MDGA2: variants seen among roughly 807,000 people sequenced by gnomAD.
MDGA2 encodes the protein MAM domain containing glycosylphosphatidylinositol anchor 2.
MDGA2 carries 40 observed loss-of-function variants against 117.8 expected under a neutral mutation model. The ratio of observed to expected loss-of-function variants is 0.34; its 90% CI spans 0.26 to 0.44. The LOEUF (loss-of-function observed/expected upper bound fraction) is 0.44, where lower values mean the gene tolerates loss of function less well. Ranked by LOEUF, MDGA2 falls within the 20% of genes least tolerant of loss-of-function variation. The probability of loss-of-function intolerance (pLI) is 1.00; values close to 1 mark genes in which losing one functional copy is unlikely to be tolerated. For synonymous variants in MDGA2, 452 were observed against 439.0 expected, an observed-to-expected ratio of 1.03 and a Z score of -0.37; for missense variants, 1,123 against 1,250.6, an observed-to-expected ratio of 0.90 and a Z score of 1.54.
In MDGA2 at chr14:47,478,931, G is replaced by A. The variant is rs542935925; in HGVS notation, c.281-177381C>T. 6.6e-5 allele frequency among the ~76,000 whole-genome samples: 10 copies of A among 152,190 alleles called. No individual in the cohort carries two copies. The East Asian group carries it at 7.7e-4, about 12-fold the overall frequency. On this transcript the variant is annotated intron_variant, in intron 1 of 16. Coordinates refer to ENST00000399232, the MANE Select transcript of MDGA2 (RefSeq NM_001113498.3). ...TGAGGAGCCTCACTTTGGGCTTTTC[G>A]TGGGCAAGTCAGATTTTGCAATAGT...
rs192270528 is a variant in MDGA2 at position 46,840,671 on chromosome 14, A to G, written c.*1260T>C. On this transcript the variant is annotated 3_prime_UTR_variant, in exon 17 of 17. Transcript: ENST00000399232. ...CAGTTCCACTGTAGAGTTAGTATGC[A>G]CTGCAATCCCAAACATTTTCTTGTT... The G allele has an allele frequency of 2.2e-4, 34 of 152,732 alleles. No homozygotes were observed. Among genetic ancestry groups the G allele is most frequent in the Non-Finnish European group, 3.4e-4 (23 of 68,002 alleles). 9.5% of individuals were successfully genotyped at this position (152,732 alleles called of 1,614,324 possible).
intron 1 of MDGA2, among the ~76,000 whole-genome samples, chr14:47,583,633 G>C (rs139458457): frequency 0.015 from 2,233 of 151,784 alleles, 23 homozygotes; most frequent in Middle Eastern, 0.088. Flanking sequence ...CATTATGTCT[G>C]TTTATTAATA....
chr14:47,511,112 A>G (rs879328000), intron 1 of MDGA2, among the ~76,000 whole-genome samples: 1 of 152,208 alleles, frequency 6.6e-6, no homozygotes, highest in Non-Finnish European at 1.5e-5. Flanking sequence ...GGCAAAAACT[A>G]TATTTCATTC....
chr14:47,672,762 C>T (rs1184766281), intron 1 of MDGA2, among the ~76,000 whole-genome samples: 1 of 152,174 alleles, frequency 6.6e-6, no homozygotes, highest in African/African-American at 2.4e-5. Flanking sequence ...AAGGAACAGC[C>T]CTTTGAGAAA....
At chr14:47,581,704 G>A (rs542119600) in intron 1 of MDGA2, among the ~76,000 whole-genome samples, 3 of 151,832 alleles carry the variant, frequency 2.0e-5, no homozygotes, top group South Asian at 2.1e-4. Flanking sequence ...TTGCTTCTTC[G>A]TGGAAAGAAC....
intron 2 of MDGA2, among the ~76,000 whole-genome samples, chr14:47,223,296 A>G (rs888264546): frequency 1.3e-5 from 2 of 152,188 alleles, no homozygotes; most frequent in Admixed American, 6.5e-5. Flanking sequence ...GGAAAATATA[A>G]ACCTTAAGTA....
chr14:47,629,160 T>C (rs1052122466), intron 1 of MDGA2, among the ~76,000 whole-genome samples: 1 of 152,032 alleles, frequency 6.6e-6, no homozygotes, highest in South Asian at 2.1e-4. Context: ...AACATTAGGG[T>C]TGTATGTGAA....
chr14:47,370,409 A>G (rs749303663), intron 1 of MDGA2, among the ~76,000 whole-genome samples: 1 of 148,890 alleles, frequency 6.7e-6, no homozygotes, highest in Non-Finnish European at 1.5e-5. Flanking sequence ...TATGAAAAGA[A>G]AGTTCATCAG....
chr14:47,299,129 A>G (rs1363044803), intron 2 of MDGA2, among the ~76,000 whole-genome samples: 4 of 151,290 alleles, frequency 2.6e-5, no homozygotes, highest in African/African-American at 9.7e-5. Flanking sequence ...TTTCCAAAAA[A>G]TGGAATTGCT....
chr14:46,850,540 T>A (rs1169988986), intron 15 of MDGA2, among the ~76,000 whole-genome samples: 1 of 151,884 alleles, frequency 6.6e-6, no homozygotes, highest in Non-Finnish European at 1.5e-5. Context: ...ACAGTATATG[T>A]CACTTTGAAA....
At chr14:47,544,212 C>T (rs1895411610) in intron 1 of MDGA2, among the ~76,000 whole-genome samples, 1 of 152,022 alleles carries the variant, frequency 6.6e-6, no homozygotes, top group Non-Finnish European at 1.5e-5. Context: ...TGTGTTCATG[C>T]CTAACCAGTC....
At chr14:47,160,674 G>A (rs1883597641) in intron 3 of MDGA2, among the ~76,000 whole-genome samples, 1 of 151,942 alleles carries the variant, frequency 6.6e-6, no homozygotes, top group Non-Finnish European at 1.5e-5. Context: ...TAAAATAAAT[G>A]AATAAATAAA....
chr14:46,845,954 T>A, intron 15 of MDGA2, 83 bp from the exon 16 acceptor site: 1 of 996,552 alleles, frequency 1.0e-6, no homozygotes, highest in South Asian at 1.4e-5. Context: ...GTGACAAAAA[T>A]AAACTTGTCA....
At chr14:47,318,162 G>A (rs1889865978) in intron 1 of MDGA2, among the ~76,000 whole-genome samples, 1 of 110,926 alleles carries the variant, frequency 9.0e-6, no homozygotes, top group African/African-American at 2.8e-5. Context: ...GAGAACACTA[G>A]TGATCTTTTC....
rs369799052 is a variant in MDGA2, at chr14:47,235,445, T to C, written c.421-17250A>G. 1.5e-4 allele frequency among the ~76,000 whole-genome samples: 23 copies of C among 152,340 alleles called. No homozygotes were observed. The East Asian group carries it at 2.1e-3, about 14-fold the overall frequency. On this transcript the variant is annotated intron_variant, in intron 2 of 16. Transcript: ENST00000399232. Reference sequence around the variant, plus strand: ...ACAACTAATGGCAATTCAGACAGTGTAGGCAGAGGGGATCTTAAAAACCTT... The same window carrying C: ...ACAACTAATGGCAATTCAGACAGTGCAGGCAGAGGGGATCTTAAAAACCTT...
intron 5 of MDGA2, among the ~76,000 whole-genome samples, chr14:47,120,565 G>A (rs1187767570): frequency 6.6e-6 from 1 of 151,888 alleles, no homozygotes; most frequent in African/African-American, 2.4e-5. Flanking sequence ...TTGTTATCAA[G>A]AAAAAAATAA....
At chr14:47,258,560 C>T (rs1170754532) in intron 2 of MDGA2, among the ~76,000 whole-genome samples, 1 of 152,000 alleles carries the variant, frequency 6.6e-6, no homozygotes, top group African/African-American at 2.4e-5. Context: ...TTGGATGGGG[C>T]ACAAATCCAA....
intron 3 of MDGA2, among the ~76,000 whole-genome samples, chr14:47,196,287 G>C (rs1885286105): frequency 6.6e-6 from 1 of 152,086 alleles, no homozygotes; most frequent in African/African-American, 2.4e-5. Flanking sequence ...GAGAGTATAA[G>C]TAGCTGTAGT....
chr14:47,636,772 G>A (rs1247946584), intron 1 of MDGA2, among the ~76,000 whole-genome samples: 1 of 117,666 alleles, frequency 8.5e-6, no homozygotes, highest in South Asian at 2.9e-4. Flanking sequence ...GCGACAGAGC[G>A]AGACTCCGTC....
Sources: allele counts gnomAD v4.1 joint callset (sites outside exome capture counted in the v4.1 genomes callset), GRCh38; gene constraint gnomAD v4.1.1; transcripts MANE v1.5; gene names NCBI Gene and HGNC (gene_info 2026-07-23, HGNC 2026-07-21).